CPA6: variants seen among roughly 807,000 people sequenced by gnomAD.
CPA6 encodes carboxypeptidase A6, also known as carboxypeptidase B.
CPA6 carries 58 observed loss-of-function variants against 63.3 expected under a neutral mutation model. That is an observed-to-expected ratio of 0.92 (90% confidence interval 0.74 to 1.14). The LOEUF (loss-of-function observed/expected upper bound fraction) is 1.14, where lower values mean the gene tolerates loss of function less well. CPA6 is among the 50% of genes most tolerant of loss of function. The probability of loss-of-function intolerance (pLI) is 0.00; values close to 1 mark genes in which losing one functional copy is unlikely to be tolerated. For synonymous variants in CPA6, 185 were observed against 179.0 expected, an observed-to-expected ratio of 1.03 and a Z score of -0.27; for missense variants, 565 against 526.6, an observed-to-expected ratio of 1.07 and a Z score of -0.71.
In CPA6 at chr8:67,607,284, G is replaced by C. The variant is rs376194957; in HGVS notation, c.192+16892C>G. On this transcript the variant is annotated intron_variant, in intron 2 of 10. Transcript: ENST00000297770. ...TCCTCCTTTCTTCTTTCTTCTTCTT[G>C]TTATTATTTTGCTTCCTGGCCCCCA... Among the ~76,000 whole-genome samples the C allele has an allele frequency of 5.3e-4, 73 of 137,940 alleles. No homozygotes were observed. In the East Asian group the frequency reaches 9.0e-3, roughly 17 times the overall value. 90.5% of individuals were successfully genotyped at this position (137,940 alleles called of 152,430 possible). A position where few individuals can be genotyped will look rare whatever the true frequency, so the allele number is the denominator to read the frequency against.
At chr8:67,497,114 A>G (rs1252449641) in intron 6 of CPA6, among the ~76,000 whole-genome samples, 2 of 152,184 alleles carry the variant, frequency 1.3e-5, no homozygotes, top group African/African-American at 2.4e-5. Context: ...TTGAGATACG[A>G]TTCACAGAAT....
In CPA6 at chr8:67,511,605, T is replaced by C. The variant is rs760990950; in HGVS notation, c.368A>G (p.His123Arg). ...GAGGGATCTTCGGTTTCTCTGGGTG[T>C]GCAAGCTGCTTCCCTTCTCCAGTGT... ...QKTLEKGSSL[H>R]TQRNRRSLSG... Residue 123 changes from histidine to arginine, a missense_variant, in exon 4 of 11, where the codon CAC (histidine) becomes CGC (arginine). Coordinates refer to ENST00000297770, the MANE Select transcript of CPA6 (RefSeq NM_020361.5). 9 of 1,612,842 alleles carry C rather than the reference T, an allele frequency of 5.6e-6. No individual in the cohort carries two copies. In the South Asian group the frequency reaches 7.7e-5, roughly 14 times the overall value.
At chr8:67,726,630 C>T (rs1817601130) in intron 1 of CPA6, among the ~76,000 whole-genome samples, 1 of 152,274 alleles carries the variant, frequency 6.6e-6, no homozygotes, top group East Asian at 1.9e-4. Context: ...AAATAAAAAT[C>T]TAAATACAGA....
At chr8:67,546,899 A>G (rs534601584) in intron 2 of CPA6, among the ~76,000 whole-genome samples, 1 of 151,998 alleles carries the variant, frequency 6.6e-6, no homozygotes, top group Admixed American at 6.6e-5. Flanking sequence ...ATTACAGCTC[A>G]CGGTGGCCTC....
chr8:67,490,224 AT>A (rs1811574765), intron 6 of CPA6, among the ~76,000 whole-genome samples: 1 of 152,062 alleles, frequency 6.6e-6, no homozygotes, highest in African/African-American at 2.4e-5. Context: ...GTGTCTTTCT[AT>A]TTCCTGTTAT....
In CPA6 at chr8:67,595,637, C is replaced by T. The variant is rs200063243; in HGVS notation, c.192+28539G>A. 2.0e-3 allele frequency among the ~76,000 whole-genome samples: 304 copies of T among 152,362 alleles called. 1 individual carries two copies. The highest frequency in any genetic ancestry group is 7.0e-3 in the African/African-American group (291 of 41,590). ...TGCCACCTTGCAGTTTGATCTCAGA[C>T]TGCTGTGCTAGCAATCAGCGAGACT... is the stretch of plus-strand genomic sequence containing the variant. On this transcript the variant is annotated intron_variant, in intron 2 of 10. Coordinates refer to ENST00000297770, the MANE Select transcript of CPA6 (RefSeq NM_020361.5).
chr8:67,509,667 A>C, intron 4 of CPA6, 49 bp from the exon 5 acceptor site: 1 of 899,384 alleles, frequency 1.1e-6, no homozygotes, highest in Non-Finnish European at 1.7e-6. Context: ...AAAATAATGG[A>C]GCTTTTAGAG....
At chr8:67,483,692 TCCTCTG>T (rs746194282) in intron 8 of CPA6, 70 bp downstream of exon 8, 19 of 1,161,600 alleles carry the variant, frequency 1.6e-5, no homozygotes, top group Non-Finnish European at 2.5e-5. Context: ...CCCATGAGAG[TCCTCTG>T]GACTCATATT....
chr8:67,451,179 C>T (rs1244627836), intron 8 of CPA6, among the ~76,000 whole-genome samples: 1 of 152,152 alleles, frequency 6.6e-6, no homozygotes, highest in African/African-American at 2.4e-5. Flanking sequence ...GGTACCAGTC[C>T]ATGGCTTACT....
rs139333452 is a variant in CPA6 at position 67,438,165 on chromosome 8, G to A, written c.839-3925C>T. 3.6e-3 allele frequency among the ~76,000 whole-genome samples: 549 copies of A among 152,248 alleles called. 8 individuals are homozygous for A. Among genetic ancestry groups the A allele is most frequent in the African/African-American group, 0.012 (498 of 41,544 alleles). ...ACTCCTGACCTCAAGTGATCTGCCC[G>A]CCTTGGCCTCCGAAAGTGCTGGGAT... On this transcript the variant is annotated intron_variant, in intron 8 of 10. Transcript: ENST00000297770.
chr8:67,612,190 A>G (rs577684102), intron 2 of CPA6, among the ~76,000 whole-genome samples: 14 of 152,214 alleles, frequency 9.2e-5, no homozygotes, highest in Non-Finnish European at 1.5e-4. Flanking sequence ...GGGATATGGA[A>G]GAAGGGAAGG....
At chr8:67,628,168 G>C (rs1050108252) in intron 1 of CPA6, among the ~76,000 whole-genome samples, 2 of 151,758 alleles carry the variant, frequency 1.3e-5, no homozygotes, top group Admixed American at 1.3e-4. Context: ...AGCCGAGATT[G>C]AGCCACTGCA....
At chr8:67,719,679 C>T (rs1177213009) in intron 1 of CPA6, among the ~76,000 whole-genome samples, 1 of 152,014 alleles carries the variant, frequency 6.6e-6, no homozygotes, top group Non-Finnish European at 1.5e-5. Flanking sequence ...TACAGTCATG[C>T]AGGCATAAAA....
intron 1 of CPA6, among the ~76,000 whole-genome samples, chr8:67,655,141 G>C (rs961509887): frequency 1.3e-5 from 2 of 151,998 alleles, no homozygotes; most frequent in African/African-American, 4.8e-5. Flanking sequence ...ATGCATCTGG[G>C]GTTTCTTTGT....
intron 5 of CPA6, among the ~76,000 whole-genome samples, chr8:67,507,616 G>T (rs1329958479): frequency 6.6e-6 from 1 of 152,064 alleles, no homozygotes; most frequent in Non-Finnish European, 1.5e-5. Flanking sequence ...CAGACATCGT[G>T]CTCAGTACTG....
chr8:67,711,974 T>C (rs922978176), intron 1 of CPA6, among the ~76,000 whole-genome samples: 10 of 152,154 alleles, frequency 6.6e-5, no homozygotes, highest in Admixed American at 3.9e-4. Context: ...CTGGGACGGA[T>C]CCCAGATCCA....
intron 2 of CPA6, among the ~76,000 whole-genome samples, chr8:67,523,410 T>C (rs1812299820): frequency 6.6e-6 from 1 of 152,092 alleles, no homozygotes. Context: ...TCACCTGTAG[T>C]CCCAGCTACT....
At chr8:67,743,823 ATAT>A (rs754529120) in intron 1 of CPA6, among the ~76,000 whole-genome samples, 3 of 152,194 alleles carry the variant, frequency 2.0e-5, no homozygotes, top group Non-Finnish European at 4.4e-5. Context: ...TGATAATCAC[ATAT>A]TATTAGATTC....
At chr8:67,572,930 C>T (rs1454120185) in intron 2 of CPA6, among the ~76,000 whole-genome samples, 1 of 152,168 alleles carries the variant, frequency 6.6e-6, no homozygotes, top group Non-Finnish European at 1.5e-5. Flanking sequence ...GATCAATCAC[C>T]ATCAAGTGGG....
Sources: gnomAD v4.1 joint callset for allele counts (sites outside exome capture counted in the v4.1 genomes callset) on GRCh38, gnomAD v4.1.1 for gene constraint, MANE v1.5 for transcripts, NCBI Gene and HGNC (gene_info 2026-07-23, HGNC 2026-07-21) for gene names.